KLF3: variants seen among roughly 807,000 people sequenced by gnomAD.
KLF3 encodes KLF transcription factor 3, also known as Krueppel-like factor 3.
Under a neutral mutation model 32.7 loss-of-function variants are expected in KLF3, and 6 were observed. The ratio of observed to expected loss-of-function variants is 0.18; its 90% CI spans 0.10 to 0.36. The LOEUF (loss-of-function observed/expected upper bound fraction) is 0.36, where lower values mean the gene tolerates loss of function less well. Ranked by LOEUF, KLF3 falls within the 10% of genes least tolerant of loss-of-function variation. KLF3 has a pLI of 1.00. For missense variants in KLF3, 338 were observed against 449.7 expected, an observed-to-expected ratio of 0.75 and a Z score of 2.25; for synonymous variants, 145 against 172.8, an observed-to-expected ratio of 0.84 and a Z score of 1.26.
At chr4:38,681,807 T>G (rs1469238241) in intron 2 of KLF3, among the ~76,000 whole-genome samples, 1 of 152,174 alleles carries the variant, frequency 6.6e-6, no homozygotes, top group Non-Finnish European at 1.5e-5. Context: ...CTTGCAAAAT[T>G]AGATCATCCT....
At position 38,692,902 on chromosome 4, in the gene KLF3, A is replaced by G. The variant is rs1459482776; in HGVS notation, c.696-1844A>G. ...ATTTCCTGAATTTCTTTTAATGGAA[A>G]TGAAATATTTTCATTAGATGGCATT... On this transcript the variant is annotated intron_variant, in intron 4 of 5. Coordinates refer to ENST00000261438, the MANE Select transcript of KLF3 (RefSeq NM_016531.6). Among the ~76,000 whole-genome samples, 3 of 151,982 alleles carry G rather than the reference A, an allele frequency of 2.0e-5. No individual in the cohort carries two copies. In the East Asian group the frequency reaches 5.8e-4, roughly 29 times the overall value.
At chr4:38,667,402 C>T (rs1722077482) in intron 1 of KLF3, among the ~76,000 whole-genome samples, 1 of 152,184 alleles carries the variant, frequency 6.6e-6, no homozygotes. Flanking sequence ...TCCGTATCCC[C>T]ACCCATGGAG....
intron 4 of KLF3, 168 bp downstream of exon 4, chr4:38,690,047 C>A: frequency 1.8e-6 from 1 of 556,998 alleles, no homozygotes. Flanking sequence ...GAGAATCTCT[C>A]CAAAAACAAT....
intron 2 of KLF3, among the ~76,000 whole-genome samples, chr4:38,684,131 C>A (rs1169130896): frequency 6.6e-6 from 1 of 152,144 alleles, no homozygotes; most frequent in Non-Finnish European, 1.5e-5. Flanking sequence ...CTGAAACTGT[C>A]TTATAATGGA....
intron 2 of KLF3, among the ~76,000 whole-genome samples, chr4:38,682,348 C>T (rs1722555906): frequency 1.3e-5 from 2 of 152,214 alleles, no homozygotes; most frequent in South Asian, 2.1e-4. Context: ...CATGAGCCAC[C>T]GCTCCTGGCC....
chr4:38,696,689 A>G (rs1037668953), intron 5 of KLF3, among the ~76,000 whole-genome samples: 3 of 152,228 alleles, frequency 2.0e-5, no homozygotes, highest in Admixed American at 6.5e-5. Flanking sequence ...AAAATCCCAC[A>G]AACTTTCAAT....
At chr4:38,683,825 C>T (rs1290226948) in intron 2 of KLF3, among the ~76,000 whole-genome samples, 1 of 152,136 alleles carries the variant, frequency 6.6e-6, no homozygotes, top group Non-Finnish European at 1.5e-5. Flanking sequence ...TAACAGACTC[C>T]TTATAGATAG....
In KLF3 at chr4:38,697,267, C is replaced by T; in HGVS notation, c.*4C>T. On this transcript the variant is annotated 3_prime_UTR_variant, in exon 6 of 6. Coordinates refer to ENST00000261438, the MANE Select transcript of KLF3 (RefSeq NM_016531.6). ...GAAACGCCACATGCTAGTCTGATTG[C>T]CTCTGTGTCCTGCCTCAGCGTGACT... 6.3e-7 allele frequency: 1 copy of T among 1,597,456 alleles called. No homozygotes were observed. Among genetic ancestry groups the T allele is most frequent in the Non-Finnish European group, 8.6e-7 (1 of 1,169,506 alleles).
At chr4:38,694,169 A>G (rs1177184486) in intron 4 of KLF3, among the ~76,000 whole-genome samples, 2 of 152,218 alleles carry the variant, frequency 1.3e-5, no homozygotes, top group Non-Finnish European at 2.9e-5. Context: ...ATGAATTGGC[A>G]GTCTCTAAGG....
intron 1 of KLF3, among the ~76,000 whole-genome samples, chr4:38,677,252 C>T (rs1257884845): frequency 6.6e-6 from 1 of 152,158 alleles, no homozygotes; most frequent in African/African-American, 2.4e-5. Flanking sequence ...TGAGCCACCA[C>T]GCCCAGTCAG....
rs1252386829 is a variant in KLF3 at position 38,700,016 on chromosome 4, T to C, written c.*2753T>C. The C allele has an allele frequency of 6.6e-6, 1 of 152,248 alleles. No individual in the cohort carries two copies. Among genetic ancestry groups the C allele is most frequent in the African/African-American group, 2.4e-5 (1 of 41,464 alleles). The allele number at this position is 152,248 out of a possible 1,614,324, so 9.4% of individuals were successfully genotyped here. Reference sequence around the variant, plus strand: ...GAATGATTTGTAAACATGAAGTTACTATTACGTAAATTCTGTTTGTTATAG... The same window carrying C: ...GAATGATTTGTAAACATGAAGTTACCATTACGTAAATTCTGTTTGTTATAG... On this transcript the variant is annotated 3_prime_UTR_variant, in exon 6 of 6. Transcript: ENST00000261438.
chr4:38,691,990 G>A (rs896153599), intron 4 of KLF3, among the ~76,000 whole-genome samples: 1 of 152,120 alleles, frequency 6.6e-6, no homozygotes, highest in Non-Finnish European at 1.5e-5. Flanking sequence ...GCTCGATTGT[G>A]GTGTGGCAAC....
chr4:38,676,956 GTTT>G lies in KLF3; in HGVS notation c.-39-3612_-39-3610del, dbSNP rs34392158. 4.1e-3 allele frequency among the ~76,000 whole-genome samples: 433 copies of G among 105,500 alleles called. 5 individuals carry two copies. The highest frequency in any genetic ancestry group is 0.015 in the African/African-American group (376 of 25,728). 69.2% of individuals were successfully genotyped at this position (105,500 alleles called of 152,430 possible). A position where few individuals can be genotyped will look rare whatever the true frequency, so the allele number is the denominator to read the frequency against. ...AATCAGGTTCTGTTAGTGCCAGTGT[GTTT>G]TTTTTTTTTTTTTTTTTTGAGACCA... On this transcript the variant is annotated intron_variant, in intron 1 of 5. Transcript: ENST00000261438.
At chr4:38,687,691 T>C (rs1376455340) in intron 2 of KLF3, among the ~76,000 whole-genome samples, 3 of 152,244 alleles carry the variant, frequency 2.0e-5, no homozygotes, top group East Asian at 3.8e-4. Flanking sequence ...CATTTCCTTA[T>C]GTGAGTCATA....
chr4:38,679,810 G>T (rs1470396074), intron 1 of KLF3, among the ~76,000 whole-genome samples: 1 of 152,204 alleles, frequency 6.6e-6, no homozygotes, highest in African/African-American at 2.4e-5. Flanking sequence ...CAGTTTTAAA[G>T]AGGGTTTGTT....
At chr4:38,673,183 G>A (rs112452036) in intron 1 of KLF3, among the ~76,000 whole-genome samples, 1 of 152,198 alleles carries the variant, frequency 6.6e-6, no homozygotes, top group African/African-American at 2.4e-5. Flanking sequence ...GTTCCTTCTG[G>A]TTATTTTTAA....
At chr4:38,678,272 T>A (rs1406892599) in intron 1 of KLF3, among the ~76,000 whole-genome samples, 1 of 152,200 alleles carries the variant, frequency 6.6e-6, no homozygotes, top group East Asian at 1.9e-4. Flanking sequence ...TATGGTCCAC[T>A]GTGAGGCACT....
chr4:38,665,100 G>A (rs1456875937), intron 1 of KLF3, among the ~76,000 whole-genome samples: 7 of 151,924 alleles, frequency 4.6e-5, no homozygotes, highest in Non-Finnish European at 1.5e-5. Flanking sequence ...AGGGCAATTG[G>A]GATTGGAGGC....
At chr4:38,672,311 G>A (rs550868258) in intron 1 of KLF3, among the ~76,000 whole-genome samples, 9 of 152,324 alleles carry the variant, frequency 5.9e-5, no homozygotes, top group Non-Finnish European at 8.8e-5. Context: ...GGAGTGGGGA[G>A]GGAGCCCTCT....
Sources: gnomAD v4.1 joint callset for allele counts (sites outside exome capture counted in the v4.1 genomes callset) on GRCh38, gnomAD v4.1.1 for gene constraint, MANE v1.5 for transcripts, NCBI Gene and HGNC (gene_info 2026-07-23, HGNC 2026-07-21) for gene names.